The following SUSD6 variants were observed in gnomAD, a reference collection of about 807,000 sequenced individuals.
SUSD6 encodes sushi domain-containing protein 6.
A neutral mutation model predicts 28.4 loss-of-function variants in SUSD6; 16 were observed. The ratio of observed to expected loss-of-function variants is 0.56; its 90% confidence interval spans 0.38 to 0.86. SUSD6 has a LOEUF of 0.86. Ranked by LOEUF, SUSD6 falls within the 40% of genes least tolerant of loss-of-function variation. The pLI is 0.00. For missense variants in SUSD6, 341 were observed against 384.2 expected (o/e 0.89, Z 0.94); for synonymous variants, 147 against 159.6 (o/e 0.92, Z 0.59).
At chr14:69,683,901 A>G (rs1215698962) in intron 2 of SUSD6, among the ~76,000 whole-genome samples, 4 of 152,190 alleles carry the variant, frequency 2.6e-5, no homozygotes, top group Non-Finnish European at 5.9e-5. Context: ...GGAGGGGAAA[A>G]TGGCCTGGTA....
intron 3 of SUSD6, chr14:69,703,922 A>C: frequency 6.2e-6 from 2 of 322,862 alleles, no homozygotes; most frequent in South Asian, 3.8e-5. Context: ...ACCTTCTCTA[A>C]TGTATCGTCC....
intron 2 of SUSD6, among the ~76,000 whole-genome samples, chr14:69,678,202 G>A (rs769851383): frequency 2.2e-4 from 33 of 151,620 alleles, no homozygotes; most frequent in South Asian, 6.2e-4. Context: ...GTAACCTTCC[G>A]TAGCATACTT....
chr14:69,632,662 A>AC (rs926977047), intron 1 of SUSD6, among the ~76,000 whole-genome samples: 9 of 151,544 alleles, frequency 5.9e-5, no homozygotes, highest in Admixed American at 3.9e-4. Flanking sequence ...TAAAAAAAAA[A>AC]AACAAAACAC....
chr14:69,653,434 T>A (rs1027496038), intron 1 of SUSD6, among the ~76,000 whole-genome samples: 2 of 152,194 alleles, frequency 1.3e-5, no homozygotes, highest in Non-Finnish European at 2.9e-5. Context: ...AGAGCCTTTT[T>A]CAGATGTGGA....
intron 1 of SUSD6, among the ~76,000 whole-genome samples, chr14:69,644,368 A>G (rs114943208): frequency 0.014 from 2,079 of 152,282 alleles, 46 homozygotes; most frequent in African/African-American, 0.047. Flanking sequence ...TTAATTAATT[A>G]TGGCTGGGCA....
At chr14:69,651,963 T>C (rs1885510696) in intron 1 of SUSD6, among the ~76,000 whole-genome samples, 1 of 152,226 alleles carries the variant, frequency 6.6e-6, no homozygotes, top group Non-Finnish European at 1.5e-5. Context: ...TTTCTGTTCA[T>C]GTTTCTGGAA....
At chr14:69,621,548 A>G (rs562358799) in intron 1 of SUSD6, among the ~76,000 whole-genome samples, 26 of 152,352 alleles carry the variant, frequency 1.7e-4, no homozygotes, top group African/African-American at 6.0e-4. Flanking sequence ...AAGACCAGAA[A>G]GTCATCCCTG....
At chr14:69,627,966 C>T (rs2139595295) in intron 1 of SUSD6, among the ~76,000 whole-genome samples, 1 of 151,104 alleles carries the variant, frequency 6.6e-6, no homozygotes, top group East Asian at 2.0e-4. Context: ...TGGAGTCTCG[C>T]TCTGTCACCC....
In SUSD6 at chr14:69,709,186, A is replaced by G; in HGVS notation, c.886+82A>G. The G allele has an allele frequency of 3.2e-6, 4 of 1,256,928 alleles. No homozygotes were observed. In the South Asian group the frequency reaches 6.0e-5, roughly 19 times the overall value. The allele number at this position is 1,256,928 out of a possible 1,614,324, so 77.9% of individuals were successfully genotyped here. Reference sequence around the variant, plus strand: ...GAGGAAGGACTGTGAGCCTTTCTAAATAATTGGTATATTTTTAGCAAAAAA... The same window carrying G: ...GAGGAAGGACTGTGAGCCTTTCTAAGTAATTGGTATATTTTTAGCAAAAAA... On this transcript the variant is annotated intron_variant, in intron 5 of 5. Coordinates refer to ENST00000342745, the MANE Select transcript of SUSD6 (RefSeq NM_014734.4).
intron 1 of SUSD6, among the ~76,000 whole-genome samples, chr14:69,638,366 T>C (rs1267852151): frequency 6.6e-6 from 1 of 151,640 alleles, no homozygotes; most frequent in East Asian, 1.9e-4. Context: ...AAGGAAGTAA[T>C]CTACCCCCAT....
intron 1 of SUSD6, among the ~76,000 whole-genome samples, chr14:69,655,387 T>C (rs1885566669): frequency 6.6e-6 from 1 of 152,220 alleles, no homozygotes; most frequent in South Asian, 2.1e-4. Flanking sequence ...ATCTTTCATA[T>C]ATGTCATTGC....
chr14:69,624,517 A>G (rs1234543062), intron 1 of SUSD6, among the ~76,000 whole-genome samples: 1 of 148,792 alleles, frequency 6.7e-6, no homozygotes, highest in Non-Finnish European at 1.5e-5. Context: ...CCATGGCCTG[A>G]TCTCGGCTCA....
intron 2 of SUSD6, among the ~76,000 whole-genome samples, chr14:69,683,778 G>A (rs905105291): frequency 4.6e-5 from 7 of 152,212 alleles, no homozygotes; most frequent in South Asian, 2.1e-4. Flanking sequence ...AATGTGTTTT[G>A]GGGGGAAGAT....
At chr14:69,634,007 G>A (rs1885230630) in intron 1 of SUSD6, among the ~76,000 whole-genome samples, 1 of 152,210 alleles carries the variant, frequency 6.6e-6, no homozygotes, top group South Asian at 2.1e-4. Flanking sequence ...CAAGACCTGA[G>A]AGAAAGTGGA....
rs140552469 is a variant in SUSD6, at chr14:69,705,191, G to A, written c.458+449G>A. ...CAATTAGCCGGGTGTGGTGGCGCGC[G>A]CCTGTAGTCCCAGCTACTCTGGAGG... On this transcript the variant is annotated intron_variant, in intron 4 of 5. Transcript: ENST00000342745. 4.0e-4 allele frequency among the ~76,000 whole-genome samples: 60 copies of A among 151,870 alleles called. No individual in the cohort carries two copies. The East Asian group carries it at 9.3e-3, about 24-fold the overall frequency.
chr14:69,648,810 A>G (rs1381177966), intron 1 of SUSD6, among the ~76,000 whole-genome samples: 4 of 152,254 alleles, frequency 2.6e-5, no homozygotes, highest in African/African-American at 4.8e-5. Flanking sequence ...GAGTGAAGGT[A>G]TATAGACAGA....
chr14:69,652,221 C>A (rs1047750215), intron 1 of SUSD6, among the ~76,000 whole-genome samples: 7 of 152,246 alleles, frequency 4.6e-5, no homozygotes, highest in Admixed American at 4.6e-4. Flanking sequence ...TCGAGACAGG[C>A]AGATCACTTG....
At chr14:69,672,749 A>G (rs1212547087) in intron 2 of SUSD6, among the ~76,000 whole-genome samples, 2 of 152,208 alleles carry the variant, frequency 1.3e-5, no homozygotes, top group Admixed American at 1.3e-4. Flanking sequence ...CTGCAGACCA[A>G]GTATTGCAGT....
chr14:69,647,741 TCGGGAGGCCAAGGCAGGC>T (rs1172805721), intron 1 of SUSD6, among the ~76,000 whole-genome samples: 3 of 152,062 alleles, frequency 2.0e-5, no homozygotes, highest in African/African-American at 7.2e-5. Context: ...TCCCAGCACT[TCGGGAGGCCAAGGCAGGC>T]AGATCACATG....
Sources: gnomAD v4.1 joint callset for allele counts (sites outside exome capture counted in the v4.1 genomes callset) on GRCh38, gnomAD v4.1.1 for gene constraint, MANE v1.5 for transcripts, NCBI Gene and HGNC (gene_info 2026-07-23, HGNC 2026-07-21) for gene names.